Variants in ATL2 observed in about 807,000 individuals in gnomAD.
ATL2 encodes the protein atlastin GTPase 2, also known as atlastin-2.
In ATL2, 31 loss-of-function variants were observed where a neutral mutation model predicts 73.9. That is an observed-to-expected ratio of 0.42 (90% CI 0.32 to 0.57). ATL2 has a LOEUF of 0.57. Among genes scored for constraint, ATL2 ranks in the 20% least tolerant of loss-of-function variants. The pLI, the probability that ATL2 is intolerant of heterozygous loss-of-function variation, is 0.14. For synonymous variants in ATL2, 291 were observed against 237.5 expected (o/e 1.23, Z -2.07); for missense variants, 738 against 702.6 (o/e 1.05, Z -0.57).
At chr2:38,342,724 A>T (rs1327502911) in intron 2 of ATL2, among the ~76,000 whole-genome samples, 1 of 152,186 alleles carries the variant, frequency 6.6e-6, no homozygotes, top group Non-Finnish European at 1.5e-5. Context: ...AAAGAAGATA[A>T]ACAGTACTTC....
intron 9 of ATL2, among the ~76,000 whole-genome samples, chr2:38,302,262 C>T (rs1407538986): frequency 6.6e-6 from 1 of 152,022 alleles, no homozygotes; most frequent in Non-Finnish European, 1.5e-5. Flanking sequence ...AGCACATTCC[C>T]AGATGTTGTG....
intron 4 of ATL2, among the ~76,000 whole-genome samples, chr2:38,316,590 A>G (rs1298789725): frequency 4.6e-5 from 7 of 152,142 alleles, no homozygotes; most frequent in Non-Finnish European, 7.4e-5. Flanking sequence ...CAAGGAAGAA[A>G]ATAATCATAA....
chr2:38,365,543 C>G (rs1671272037), intron 1 of ATL2, among the ~76,000 whole-genome samples: 1 of 152,140 alleles, frequency 6.6e-6, no homozygotes, highest in African/African-American at 2.4e-5. Flanking sequence ...GTAATCTTAG[C>G]ACTTTCGGAG....
intron 2 of ATL2, among the ~76,000 whole-genome samples, chr2:38,338,831 T>C (rs1669526567): frequency 6.6e-6 from 1 of 152,186 alleles, no homozygotes; most frequent in African/African-American, 2.4e-5. Flanking sequence ...AGGAGTATTC[T>C]TTCCAAAATC....
At chr2:38,343,184 A>C in intron 2 of ATL2, 84 bp downstream of exon 2, 7 of 361,446 alleles carry the variant, frequency 1.9e-5, no homozygotes, top group South Asian at 3.0e-5. Flanking sequence ...AAAAAGATAT[A>C]GTTCTGGTTT....
At chr2:38,349,158 T>C (rs1214855649) in intron 1 of ATL2, among the ~76,000 whole-genome samples, 73 of 151,850 alleles carry the variant, frequency 4.8e-4, no homozygotes, top group African/African-American at 1.6e-3. Context: ...TTTGACCCAG[T>C]CATCCCATTA....
intron 2 of ATL2, among the ~76,000 whole-genome samples, chr2:38,334,075 G>A (rs1669160916): frequency 7.2e-6 from 1 of 138,954 alleles, no homozygotes; most frequent in Admixed American, 7.3e-5. Flanking sequence ...TGTCACCCAG[G>A]CTGGAATACA....
intron 2 of ATL2, among the ~76,000 whole-genome samples, chr2:38,340,464 C>G (rs1004495499): frequency 6.6e-6 from 1 of 152,038 alleles, no homozygotes; most frequent in Non-Finnish European, 1.5e-5. Context: ...GAGGGGAAAG[C>G]CAACATCCCC....
At chr2:38,365,305 C>G (rs1391491355) in intron 1 of ATL2, among the ~76,000 whole-genome samples, 2 of 152,128 alleles carry the variant, frequency 1.3e-5, no homozygotes, top group Non-Finnish European at 2.9e-5. Context: ...AATTTAGACA[C>G]TAAGTTCCAT....
At chr2:38,317,625 C>T (rs1668095350) in intron 4 of ATL2, among the ~76,000 whole-genome samples, 1 of 152,012 alleles carries the variant, frequency 6.6e-6, no homozygotes, top group Non-Finnish European at 1.5e-5. Context: ...TCCTTTAGTT[C>T]AAATAACTGA....
intron 1 of ATL2, among the ~76,000 whole-genome samples, chr2:38,362,225 T>C (rs911964663): frequency 6.6e-6 from 1 of 152,188 alleles, no homozygotes; most frequent in South Asian, 2.1e-4. Flanking sequence ...CTCCCTAAAG[T>C]TCCAGATTAA....
chr2:38,308,807 A>T (rs141276039), intron 9 of ATL2, among the ~76,000 whole-genome samples: 3 of 152,254 alleles, frequency 2.0e-5, no homozygotes, highest in Non-Finnish European at 2.9e-5. Flanking sequence ...AACAAAGATA[A>T]TATGAGAGTA....
At chr2:38,369,364 C>G (rs926227689) in intron 1 of ATL2, among the ~76,000 whole-genome samples, 2 of 152,122 alleles carry the variant, frequency 1.3e-5, no homozygotes, top group African/African-American at 2.4e-5. Flanking sequence ...GCACGAGAAT[C>G]AGTTGAACTC....
intron 1 of ATL2, among the ~76,000 whole-genome samples, chr2:38,354,889 T>C (rs1345449286): frequency 1.3e-5 from 2 of 151,614 alleles, no homozygotes; most frequent in Non-Finnish European, 2.9e-5. Flanking sequence ...AAACTCTTTC[T>C]CAAAAACAAA....
chr2:38,342,967 T>C (rs969794203), intron 2 of ATL2, among the ~76,000 whole-genome samples: 25 of 140,180 alleles, frequency 1.8e-4, no homozygotes, highest in Non-Finnish European at 3.2e-4. Context: ...GAGACCCCCA[T>C]AGCTACAAAA....
rs374641444 is a variant in ATL2 at position 38,298,282 on chromosome 2, G to A, written c.1494C>T (p.Asn498=). ...ISGLTGFIGL[N]SIAVLCNLVM... ...CAAGGTTACACAAGACAGCTATAGA[G>A]TTTAGGCCAATGAAGCCAGTCAGTC... is the stretch of plus-strand genomic sequence containing the variant. The change falls in exon 12 of 13, where the codon AAC becomes AAT. Residue 498 remains asparagine (N), a synonymous_variant. Transcript: ENST00000378954. The A allele has an allele frequency of 2.5e-6, 4 of 1,614,142 alleles. No homozygotes were observed. Among genetic ancestry groups the A allele is most frequent in the East Asian group, 2.2e-5 (1 of 44,890 alleles).
Position 38,315,338 on chromosome 2 carries a change from T to C in ATL2, c.604-4A>G. The C allele has an allele frequency of 2.0e-6, 3 of 1,500,844 alleles. No homozygotes were observed. Among genetic ancestry groups the C allele is most frequent in the Non-Finnish European group, 2.6e-6 (3 of 1,134,920 alleles). 93.0% of individuals were successfully genotyped at this position (1,500,844 alleles called of 1,614,324 possible). On this transcript the variant is annotated splice_polypyrimidine_tract_variant and splice_region_variant and intron_variant, in intron 4 of 12. Transcript: ENST00000378954. ...TATTCTGAGACAGATTATATACCTG[T>C]TGAAACAAAATTTATTTTGTTTTTT...
At chr2:38,311,789 T>C (rs1274638087) in intron 7 of ATL2, among the ~76,000 whole-genome samples, 1 of 152,234 alleles carries the variant, frequency 6.6e-6, no homozygotes, top group African/African-American at 2.4e-5. Flanking sequence ...TGAGCAATTT[T>C]CTGAATATAT....
chr2:38,363,731 A>C (rs1671142683), intron 1 of ATL2, among the ~76,000 whole-genome samples: 1 of 152,226 alleles, frequency 6.6e-6, no homozygotes, highest in Non-Finnish European at 1.5e-5. Context: ...TACCTACTTC[A>C]CACTGGTAAC....
Sources: gnomAD v4.1 joint callset for allele counts (sites outside exome capture counted in the v4.1 genomes callset) on GRCh38, gnomAD v4.1.1 for gene constraint, MANE v1.5 for transcripts, NCBI Gene and HGNC (gene_info 2026-07-23, HGNC 2026-07-21) for gene names.